PRUNE2: variants seen among roughly 807,000 people sequenced by gnomAD.
The protein encoded by PRUNE2 is protein prune homolog 2.
PRUNE2 carries 164 observed loss-of-function variants against 252.0 expected under a neutral mutation model. The observed-to-expected ratio is 0.65, with a 90% confidence interval of 0.57 to 0.74. The LOEUF is 0.74. Among genes scored for constraint, PRUNE2 ranks in the 30% least tolerant of loss-of-function variants. The pLI is 0.00. For synonymous variants in PRUNE2, 1,292 were observed against 1,350.2 expected (o/e 0.96, Z 0.94); for missense variants, 3,495 against 3,711.0 (o/e 0.94, Z 1.51).
At chr9:76,754,227 C>T (rs1478658508) in intron 6 of PRUNE2, among the ~76,000 whole-genome samples, 1 of 152,048 alleles carries the variant, frequency 6.6e-6, no homozygotes, top group Admixed American at 6.5e-5. Flanking sequence ...TTTAAGGCTG[C>T]TTCAGGTTTG....
In PRUNE2 at chr9:76,826,580, C is replaced by G; in HGVS notation, c.661G>C (p.Gly221Arg). 5 of 1,585,394 alleles carry G rather than the reference C, an allele frequency of 3.2e-6. No individual in the cohort carries two copies. Among genetic ancestry groups the G allele is most frequent in the Non-Finnish European group, 4.3e-6 (5 of 1,163,158 alleles). Residue 221 changes from glycine to arginine, a missense_variant and splice_region_variant, in exon 5 of 19, where the codon GGT (glycine) becomes CGT (arginine). Gly to Arg is a moderately radical substitution (Grantham distance 125). Coordinates refer to ENST00000376718, the MANE Select transcript of PRUNE2 (RefSeq NM_015225.3). The part of the protein sequence containing the change: ...VLQETQFSAQ[G>R]LSIEQTMLKD... ...GAGAGCTGGGGACAGAGTCACTCAC[C>G]CTGAGCACTGAACTGGGTCTCCTGT...
chr9:76,773,078 T>C (rs1228524899), intron 6 of PRUNE2, among the ~76,000 whole-genome samples: 1 of 152,210 alleles, frequency 6.6e-6, no homozygotes, highest in Non-Finnish European at 1.5e-5. Flanking sequence ...TACATTGAAA[T>C]TTATAACCTG....
intron 1 of PRUNE2, among the ~76,000 whole-genome samples, chr9:76,855,014 C>A (rs1337081166): frequency 7.1e-6 from 1 of 141,526 alleles, no homozygotes; most frequent in Non-Finnish European, 1.5e-5. Context: ...TGCAGTGAGC[C>A]GAGATTGCAC....
intron 1 of PRUNE2, among the ~76,000 whole-genome samples, chr9:76,905,307 T>A (rs950270761): frequency 6.6e-6 from 1 of 152,198 alleles, no homozygotes; most frequent in African/African-American, 2.4e-5. Context: ...GGGAGAACGA[T>A]GATCTGGTAA....
At chr9:76,760,799 G>T (rs1447502269) in intron 6 of PRUNE2, among the ~76,000 whole-genome samples, 1 of 152,066 alleles carries the variant, frequency 6.6e-6, no homozygotes, top group Non-Finnish European at 1.5e-5. Flanking sequence ...ACCTGTACAT[G>T]TCCAGACTCG....
chr9:76,637,268 T>A, intron 14 of PRUNE2, 150 bp downstream of exon 14: 1 of 788,494 alleles, frequency 1.3e-6, no homozygotes, highest in Non-Finnish European at 2.0e-6. Context: ...AAAGAATACA[T>A]GCTTAATAGC....
In PRUNE2 at chr9:76,666,535, CCCTCTCTCTCTG is replaced by C. The variant is rs1281551333; in HGVS notation, c.8277-11045_8277-11034del. Among the ~76,000 whole-genome samples the C allele has an allele frequency of 2.6e-5, 4 of 152,322 alleles. No homozygotes were observed. The East Asian group carries it at 5.8e-4, about 22-fold the overall frequency. On this transcript the variant is annotated intron_variant, in intron 9 of 18. Coordinates refer to ENST00000376718, the MANE Select transcript of PRUNE2 (RefSeq NM_015225.3). ...ATGGCGTAAGCTGTCCTCTCTCTCT[CCCTCTCTCTCTG>C]CCTTGGCTGCCAGGCAGGGAAGGGC...
intron 9 of PRUNE2, among the ~76,000 whole-genome samples, chr9:76,681,400 T>A (rs537235595): frequency 1.3e-5 from 2 of 150,468 alleles, no homozygotes; most frequent in East Asian, 3.9e-4. Flanking sequence ...ACTGTACACT[T>A]AACAATGGTT....
chr9:76,799,892 A>C (rs1162656786), intron 6 of PRUNE2, among the ~76,000 whole-genome samples: 1 of 152,130 alleles, frequency 6.6e-6, no homozygotes, highest in African/African-American at 2.4e-5. Context: ...AGAGGCTTAG[A>C]CCACCTACCC....
intron 9 of PRUNE2, among the ~76,000 whole-genome samples, chr9:76,696,455 T>C (rs552247374): frequency 2.9e-4 from 44 of 152,238 alleles, no homozygotes; most frequent in Admixed American, 6.5e-4. Flanking sequence ...TGTTTGTTTG[T>C]TTGTTTGTTA....
intron 6 of PRUNE2, among the ~76,000 whole-genome samples, chr9:76,714,687 ACCCGGT>A (rs1376340205): frequency 6.6e-6 from 1 of 152,090 alleles, no homozygotes; most frequent in Non-Finnish European, 1.5e-5. Context: ...GTAAGACCGC[ACCCGGT>A]CCGGTCTTTG....
At chr9:76,854,989 C>T (rs1337575628) in intron 1 of PRUNE2, among the ~76,000 whole-genome samples, 1 of 148,952 alleles carries the variant, frequency 6.7e-6, no homozygotes, top group Non-Finnish European at 1.5e-5. Context: ...TCACTTAAAC[C>T]CAGGAGGCGG....
At position 76,708,981 on chromosome 9, in the gene PRUNE2, A is replaced by C; in HGVS notation, c.3293T>G (p.Leu1098Trp). ...YNETNRQLTL[L>W]HSSTNSRQTA... Reference sequence around the variant, plus strand: ...CTGCCGGGAGTTGGTGCTGCTGTGCAAAAGTGTGAGTTGTCGGTTTGTTTC... The same window carrying C: ...CTGCCGGGAGTTGGTGCTGCTGTGCCAAAGTGTGAGTTGTCGGTTTGTTTC... Residue 1098 changes from leucine to tryptophan, a missense_variant, in exon 8 of 19, where the codon TTG becomes TGG. Physicochemically the swap from Leu to Trp is moderately conservative, Grantham distance 61 (BLOSUM62 -2). Coordinates refer to ENST00000376718, the MANE Select transcript of PRUNE2 (RefSeq NM_015225.3). The C allele has an allele frequency of 6.2e-7, 1 of 1,613,976 alleles. No homozygotes were observed.
At chr9:76,759,235 T>C (rs1456897224) in intron 6 of PRUNE2, 1 of 151,886 alleles carries the variant, frequency 6.6e-6, no homozygotes, top group Non-Finnish European at 1.5e-5. Context: ...TGTCACAGAG[T>C]TTTTGTGTGA....
At chr9:76,829,354 G>A (rs1215418581) in intron 4 of PRUNE2, among the ~76,000 whole-genome samples, 1 of 152,118 alleles carries the variant, frequency 6.6e-6, no homozygotes, top group Non-Finnish European at 1.5e-5. Flanking sequence ...AGCCTATGGA[G>A]ACAAAAACTA....
chr9:76,825,464 G>A (rs2058292087), intron 5 of PRUNE2, among the ~76,000 whole-genome samples: 1 of 152,204 alleles, frequency 6.6e-6, no homozygotes, highest in Non-Finnish European at 1.5e-5. Flanking sequence ...CCCTATCAGT[G>A]TTGACTGGAA....
chr9:76,823,637 G>T lies in PRUNE2; in HGVS notation c.751C>A (p.Leu251Ile). Reference protein sequence around the residue: ...KVAISTVSMNLENCLFHSNIT... With the variant: ...KVAISTVSMNIENCLFHSNIT... ...AAAAGCATTCCCACCCTTACCTCAAGGTTCATGCTCACAGTACTAATGGCC... is the reference window on the plus strand; with the variant it reads ...AAAAGCATTCCCACCCTTACCTCAATGTTCATGCTCACAGTACTAATGGCC... The change falls in exon 6 of 19, where the codon CTT becomes ATT. Residue 251 changes from leucine (L) to isoleucine (I), a missense_variant. Physicochemically the swap from Leu to Ile is conservative, Grantham distance 5. Coordinates refer to ENST00000376718, the MANE Select transcript of PRUNE2 (RefSeq NM_015225.3). The T allele has an allele frequency of 6.3e-7, 1 of 1,591,270 alleles. No homozygotes were observed. Among genetic ancestry groups the T allele is most frequent in the Non-Finnish European group, 8.6e-7 (1 of 1,159,270 alleles).
intron 12 of PRUNE2, among the ~76,000 whole-genome samples, chr9:76,640,259 T>C (rs1842001574): frequency 6.6e-6 from 1 of 152,172 alleles, no homozygotes; most frequent in African/African-American, 2.4e-5. Flanking sequence ...TGGCTGTGTA[T>C]AGATTTGGAT....
intron 1 of PRUNE2, among the ~76,000 whole-genome samples, chr9:76,868,042 T>C (rs942064447): frequency 3.3e-5 from 5 of 152,148 alleles, no homozygotes; most frequent in African/African-American, 1.2e-4. Context: ...CAGGGGTGCT[T>C]CCTGCTTTTC....
Sources: gnomAD v4.1 joint callset for allele counts (sites outside exome capture counted in the v4.1 genomes callset) on GRCh38, gnomAD v4.1.1 for gene constraint, MANE v1.5 for transcripts, NCBI Gene and HGNC (gene_info 2026-07-23, HGNC 2026-07-21) for gene names.